LRP1B: variants seen among roughly 807,000 people sequenced by gnomAD.
LRP1B encodes low-density lipoprotein receptor-related protein 1B.
In LRP1B, 217 loss-of-function variants were observed where a neutral mutation model predicts 556.6. The ratio of observed to expected loss-of-function variants is 0.39; its 90% CI spans 0.35 to 0.44. The LOEUF (loss-of-function observed/expected upper bound fraction) is 0.44, where lower values mean the gene tolerates loss of function less well. Ranked by LOEUF, LRP1B falls within the 20% of genes least tolerant of loss-of-function variation. The pLI is 1.00. For missense variants in LRP1B, 5,053 were observed against 5,620.8 expected (o/e 0.90, Z 3.23); for synonymous variants, 2,047 against 1,865.8 (o/e 1.10, Z -2.50).
chr2:140,826,806 C>A (rs564723220), intron 31 of LRP1B, among the ~76,000 whole-genome samples: 35 of 152,252 alleles, frequency 2.3e-4, no homozygotes, highest in Admixed American at 7.8e-4. Flanking sequence ...CCCCTGAGGG[C>A]AGCTAGAGAC....
chr2:140,535,894 C>T (rs954158412), intron 46 of LRP1B, among the ~76,000 whole-genome samples: 1 of 152,012 alleles, frequency 6.6e-6, no homozygotes, highest in Admixed American at 6.6e-5. Context: ...GTGGACCATG[C>T]CTAAGGCAAT....
chr2:140,941,506 T>C (rs894603643), intron 20 of LRP1B, among the ~76,000 whole-genome samples: 2 of 152,120 alleles, frequency 1.3e-5, no homozygotes, highest in African/African-American at 4.8e-5. Flanking sequence ...TGTGTACACA[T>C]TGAAATACGA....
At position 140,679,068 on chromosome 2, in the gene LRP1B, C is replaced by T. The variant is rs370803492; in HGVS notation, c.6799+21182G>A. On this transcript the variant is annotated intron_variant, in intron 41 of 90. Transcript: ENST00000389484. ...CTGGGACTACAGGCATGAGCCACCA[C>T]GCCCGGCCAGGCCTCTCTCTTTTTC... 3.0e-4 allele frequency among the ~76,000 whole-genome samples: 45 copies of T among 152,226 alleles called. 2 individuals are homozygous for T. The highest frequency in any genetic ancestry group is 1.7e-3 in the South Asian group (8 of 4,822).
chr2:140,794,559 G>A (rs1404203255), intron 32 of LRP1B, among the ~76,000 whole-genome samples: 1 of 150,832 alleles, frequency 6.6e-6, no homozygotes, highest in Non-Finnish European at 1.5e-5. Context: ...CCAAAGCATA[G>A]AATATGGTTA....
chr2:141,016,061 G>A (rs894628502), intron 12 of LRP1B, 146 bp from the exon 13 acceptor site: 1 of 652,090 alleles, frequency 1.5e-6, no homozygotes, highest in African/African-American at 1.8e-5. Context: ...TCAAAGAGGG[G>A]GGAGCTGTGA....
At chr2:140,537,336 C>T (rs1298036501) in intron 45 of LRP1B, among the ~76,000 whole-genome samples, 1 of 151,294 alleles carries the variant, frequency 6.6e-6, no homozygotes, top group East Asian at 1.9e-4. Context: ...TTTCAATATA[C>T]TACTATTTTT....
intron 2 of LRP1B, among the ~76,000 whole-genome samples, chr2:141,583,675 G>A (rs931467674): frequency 6.6e-5 from 10 of 151,612 alleles, no homozygotes; most frequent in Admixed American, 3.3e-4. Context: ...GAAATGATAT[G>A]TATTCACTCA....
intron 41 of LRP1B, among the ~76,000 whole-genome samples, chr2:140,624,451 A>T (rs922324476): frequency 1.3e-5 from 2 of 152,108 alleles, no homozygotes; most frequent in Non-Finnish European, 1.5e-5. Context: ...ACTAATCCTC[A>T]ACAATGATTC....
At chr2:140,262,473 G>A (rs1040835728) in intron 86 of LRP1B, among the ~76,000 whole-genome samples, 1 of 152,078 alleles carries the variant, frequency 6.6e-6, no homozygotes, top group Admixed American at 6.6e-5. Flanking sequence ...CAACAGTAAT[G>A]GACGAATATG....
intron 67 of LRP1B, 68 bp downstream of exon 67, chr2:140,385,824 TA>T: frequency 9.7e-7 from 1 of 1,034,096 alleles, no homozygotes; most frequent in Non-Finnish European, 1.5e-6. Flanking sequence ...TTAACAGAAC[TA>T]AAAATTGCCA....
chr2:140,457,389 C>A (rs886968645), intron 61 of LRP1B, 74 bp downstream of exon 61: 2 of 1,175,196 alleles, frequency 1.7e-6, no homozygotes, highest in South Asian at 1.4e-5. Context: ...TACATTTAAC[C>A]TTGAAATAAT....
rs186370178 is a variant in LRP1B at position 141,878,936 on chromosome 2, T to A, written c.83-68535A>T. ...ATAACAAGCTTCCCAATAGCACCAC[T>A]AGTACCTCCACCATCACCATTTATA... On this transcript the variant is annotated intron_variant, in intron 1 of 90. Transcript: ENST00000389484. 3.9e-5 allele frequency among the ~76,000 whole-genome samples: 6 copies of A among 152,042 alleles called. No homozygotes were observed. The East Asian group carries it at 1.2e-3, about 30-fold the overall frequency.
intron 7 of LRP1B, among the ~76,000 whole-genome samples, chr2:141,096,579 C>T (rs1176679676): frequency 2.3e-5 from 3 of 133,130 alleles, no homozygotes; most frequent in South Asian, 2.5e-4. Context: ...TGCAGTGAGC[C>T]GAGAACATGC....
intron 1 of LRP1B, among the ~76,000 whole-genome samples, chr2:141,882,581 C>G (rs1363854013): frequency 6.6e-6 from 1 of 152,092 alleles, no homozygotes; most frequent in African/African-American, 2.4e-5. Context: ...ACCCAATAAG[C>G]GTCAAATCTC....
chr2:140,788,098 C>T (rs1298726498), intron 32 of LRP1B, among the ~76,000 whole-genome samples: 1 of 151,968 alleles, frequency 6.6e-6, no homozygotes, highest in Non-Finnish European at 1.5e-5. Context: ...AATATTAGTC[C>T]TCTAATATGT....
At chr2:141,133,124 C>A (rs1178927147) in intron 7 of LRP1B, among the ~76,000 whole-genome samples, 2 of 151,904 alleles carry the variant, frequency 1.3e-5, no homozygotes, top group Non-Finnish European at 2.9e-5. Context: ...CTAGCCAGAA[C>A]AAATTGATGC....
chr2:141,606,592 G>A (rs1226016560), intron 2 of LRP1B, among the ~76,000 whole-genome samples: 4 of 152,192 alleles, frequency 2.6e-5, no homozygotes, highest in African/African-American at 9.7e-5. Flanking sequence ...GAGGCCTTTA[G>A]CATGGGCCTT....
At chr2:141,438,406 T>C (rs182491967) in intron 3 of LRP1B, among the ~76,000 whole-genome samples, 4 of 152,290 alleles carry the variant, frequency 2.6e-5, no homozygotes, top group African/African-American at 7.2e-5. Context: ...TAACTAGGAT[T>C]GTGTCCCATT....
At chr2:140,346,421 T>TTACCTGAGTCAATATTATTA (rs1681687669) in intron 77 of LRP1B, among the ~76,000 whole-genome samples, 1 of 151,920 alleles carries the variant, frequency 6.6e-6, no homozygotes, top group South Asian at 2.1e-4. Flanking sequence ...ACATTATCAC[T>TTACCTGAGTCAATATTATTA]TACCTGAGTC....
Sources: gnomAD v4.1 joint callset for allele counts (sites outside exome capture counted in the v4.1 genomes callset) on GRCh38, gnomAD v4.1.1 for gene constraint, MANE v1.5 for transcripts, NCBI Gene and HGNC (gene_info 2026-07-23, HGNC 2026-07-21) for gene names.